SMC6: variants seen among roughly 807,000 people sequenced by gnomAD.
SMC6 encodes the protein structural maintenance of chromosomes protein 6.
Under a neutral mutation model 142.2 loss-of-function variants are expected in SMC6, and 79 were observed. That is an observed-to-expected ratio of 0.56 (90% confidence interval 0.46 to 0.67). The LOEUF is 0.67. Among genes scored for constraint, SMC6 ranks in the 30% least tolerant of loss-of-function variants. SMC6 has a pLI of 0.00. For missense variants in SMC6, 1,072 were observed against 1,284.0 expected (o/e 0.83, Z 2.52); for synonymous variants, 411 against 412.4 (o/e 1.00, Z 0.04).
In SMC6 at chr2:17,678,964, C is replaced by A; in HGVS notation, c.2805G>T (p.Arg935Ser). 6.2e-7 allele frequency: 1 copy of A among 1,604,500 alleles called. No homozygotes were observed. The highest frequency in any genetic ancestry group is 1.1e-5 in the South Asian group (1 of 89,212). Residue 935 changes from arginine to serine, a missense_variant and splice_region_variant, in exon 25 of 28, where the codon AGG becomes AGT. Coordinates refer to ENST00000448223, the MANE Select transcript of SMC6 (RefSeq NM_001142286.2). ...HRFKTYQQFR[R>S]CLTLRCKLYF... ...ATAATTTGCATCGTAAAGTCAAACA[C>A]CTTGAAATTTAAAAATTAGGCACAT...
chr2:17,674,902 T>C (rs1666931973), intron 25 of SMC6, among the ~76,000 whole-genome samples: 1 of 152,104 alleles, frequency 6.6e-6, no homozygotes, highest in Non-Finnish European at 1.5e-5. Flanking sequence ...TCTCTGTCCT[T>C]ATGTTAATAT....
At chr2:17,668,845 C>G (rs1019708597) in intron 26 of SMC6, among the ~76,000 whole-genome samples, 1 of 152,124 alleles carries the variant, frequency 6.6e-6, no homozygotes, top group Non-Finnish European at 1.5e-5. Flanking sequence ...GGTCTCAAAG[C>G]TACCCTACAG....
chr2:17,706,871 C>A (rs552570229), intron 18 of SMC6, among the ~76,000 whole-genome samples: 1 of 152,232 alleles, frequency 6.6e-6, no homozygotes, highest in African/African-American at 2.4e-5. Context: ...TCTGCTGTAT[C>A]CTCTCTGAGA....
At chr2:17,704,005 G>A (rs1668390920) in intron 18 of SMC6, among the ~76,000 whole-genome samples, 1 of 151,756 alleles carries the variant, frequency 6.6e-6, no homozygotes, top group Non-Finnish European at 1.5e-5. Context: ...CCTAACCTCT[G>A]CACTGTTCAA....
intron 18 of SMC6, 47 bp downstream of exon 18, chr2:17,707,172 C>T (rs1465598568): frequency 7.2e-7 from 1 of 1,388,456 alleles, no homozygotes; most frequent in Non-Finnish European, 9.5e-7. Flanking sequence ...AATGAACCCC[C>T]AAGGAAGCAG....
chr2:17,690,607 A>G (rs1401276268), intron 23 of SMC6, among the ~76,000 whole-genome samples: 1 of 152,108 alleles, frequency 6.6e-6, no homozygotes, highest in Non-Finnish European at 1.5e-5. Context: ...AAACAAACAA[A>G]AAAACCAAAA....
At chr2:17,700,838 C>A (rs966058246) in intron 20 of SMC6, among the ~76,000 whole-genome samples, 1 of 151,870 alleles carries the variant, frequency 6.6e-6, no homozygotes, top group Non-Finnish European at 1.5e-5. Context: ...TTGAGACCAG[C>A]CTGACCAACA....
At position 17,708,645 on chromosome 2, in the gene SMC6, T is replaced by C. The variant is rs1483489896; in HGVS notation, c.1839A>G (p.Leu613=). The C allele has an allele frequency of 6.7e-7, 1 of 1,486,794 alleles. No homozygotes were observed. The highest frequency in any genetic ancestry group is 2.2e-5 in the Admixed American group (1 of 45,788). 92.1% of individuals were successfully genotyped at this position (1,486,794 alleles called of 1,614,324 possible). A position where few individuals can be genotyped will look rare whatever the true frequency, so the allele number is the denominator to read the frequency against. ...AAAGATCTGGAGGTCTTACTTTGAT[T>C]AGTAGCACTGTCTCTATGCCTCTCA... ...IDMRGIETVL[L]IKNNSVARAV... Residue 613 remains leucine, a synonymous_variant, in exon 17 of 28, where the codon CTA becomes CTG. Transcript: ENST00000448223.
At chr2:17,673,771 G>A (rs1234203287) in intron 25 of SMC6, among the ~76,000 whole-genome samples, 2 of 151,768 alleles carry the variant, frequency 1.3e-5, no homozygotes, top group African/African-American at 4.8e-5. Flanking sequence ...GTTTCTCCAT[G>A]TTGGTCAGGC....
chr2:17,685,145 T>C (rs1318549876), intron 23 of SMC6, among the ~76,000 whole-genome samples: 1 of 131,114 alleles, frequency 7.6e-6, no homozygotes, highest in Non-Finnish European at 1.6e-5. Context: ...AAAGACAAAA[T>C]GGTTAGACAA....
rs772074323 is a variant in SMC6 at position 17,666,453 on chromosome 2, C to T, written c.3128G>A (p.Arg1043Lys). 1 of 1,613,876 alleles carries T rather than the reference C, an allele frequency of 6.2e-7. No individual in the cohort carries two copies. Among genetic ancestry groups the T allele is most frequent in the South Asian group, 1.1e-5 (1 of 91,030 alleles). Residue 1043 changes from arginine to lysine, a missense_variant, in exon 27 of 28, where the codon AGA (arginine) becomes AAA (lysine). Physicochemically the swap from Arg to Lys is conservative, Grantham distance 26. This residue lies in a region of SMC6 where 76 missense variants were observed against 112.3 expected (regional missense o/e 0.68). Transcript: ENST00000448223. The part of the protein sequence containing the change: ...ILKMADSQRF[R>K]QFILLTPQSM... ...TTGAGGTGTGAGCAAGATAAACTGT[C>T]TAAAACGCTGGGAATCTGCCATCTT...
At chr2:17,741,773 C>T (rs2125074035) in intron 3 of SMC6, 44 bp from the exon 4 acceptor site, 1 of 1,278,000 alleles carries the variant, frequency 7.8e-7, no homozygotes, top group South Asian at 1.3e-5. Context: ...ATCTAATTCA[C>T]TCATTATAAC....
intron 1 of SMC6, among the ~76,000 whole-genome samples, chr2:17,753,288 C>G (rs1481541432): frequency 1.1e-4 from 7 of 66,544 alleles, no homozygotes; most frequent in Admixed American, 4.7e-4. Context: ...AGACCTCTCC[C>G]CGCTTTACAG....
At chr2:17,746,695 T>G (rs541020415) in intron 2 of SMC6, among the ~76,000 whole-genome samples, 1 of 152,298 alleles carries the variant, frequency 6.6e-6, no homozygotes, top group African/African-American at 2.4e-5. Flanking sequence ...TTGCTAAACA[T>G]ATGAATACTG....
chr2:17,670,988 A>C (rs1189959380), intron 25 of SMC6, among the ~76,000 whole-genome samples: 1 of 151,184 alleles, frequency 6.6e-6, no homozygotes, highest in Non-Finnish European at 1.5e-5. Flanking sequence ...CAGCCTCCCA[A>C]GTAGTTGGGA....
At chr2:17,668,921 A>C (rs1280589025) in intron 26 of SMC6, among the ~76,000 whole-genome samples, 1 of 152,242 alleles carries the variant, frequency 6.6e-6, no homozygotes, top group Non-Finnish European at 1.5e-5. Context: ...GACCACCATC[A>C]GATCAACTGT....
chr2:17,681,973 G>C (rs559808242), intron 24 of SMC6: 3 of 152,048 alleles, frequency 2.0e-5, no homozygotes, highest in African/African-American at 7.2e-5. Flanking sequence ...CCTGTAAACT[G>C]TAAGATCAGT....
chr2:17,693,508 A>G (rs978580940), intron 23 of SMC6, among the ~76,000 whole-genome samples: 3 of 152,060 alleles, frequency 2.0e-5, no homozygotes, highest in African/African-American at 7.2e-5. Flanking sequence ...GAACACATGG[A>G]CACAGGAAGG....
intron 22 of SMC6, 119 bp downstream of exon 22, chr2:17,696,170 T>C: frequency 7.0e-6 from 9 of 1,290,078 alleles, no homozygotes; most frequent in Non-Finnish European, 9.4e-6. Flanking sequence ...TATTACTCTA[T>C]ATGAAACAGA....
Sources: allele counts gnomAD v4.1 joint callset (sites outside exome capture counted in the v4.1 genomes callset), GRCh38; gene constraint gnomAD v4.1.1; regional missense constraint gnomAD v4.1.1; transcripts MANE v1.5; gene names NCBI Gene and HGNC (gene_info 2026-07-23, HGNC 2026-07-21).